Variants in ABR observed in about 807,000 individuals in gnomAD.
The protein encoded by ABR is ABR activator of RhoGEF and GTPase, also known as active breakpoint cluster region-related protein.
ABR carries 35 observed loss-of-function variants against 107.2 expected under a neutral mutation model. That is an observed-to-expected ratio of 0.33 (90% CI 0.25 to 0.43). The LOEUF is 0.43. ABR is among the 20% of genes least tolerant of loss of function. ABR has a pLI of 1.00. For synonymous variants in ABR, 498 were observed against 462.0 expected, an observed-to-expected ratio of 1.08 and a Z score of -1.00; for missense variants, 815 against 1,115.2, an observed-to-expected ratio of 0.73 and a Z score of 3.83.
chr17:1,132,551 G>A (rs1259888050), intron 1 of ABR, among the ~76,000 whole-genome samples: 2 of 151,886 alleles, frequency 1.3e-5, no homozygotes, highest in African/African-American at 4.8e-5. Context: ...GCTAATTGTT[G>A]TATTTTTAGT....
intron 1 of ABR, among the ~76,000 whole-genome samples, chr17:1,153,591 A>G (rs12947522): frequency 4.5e-4 from 21 of 47,064 alleles, no homozygotes; most frequent in East Asian, 2.5e-3. Context: ...AGGGCTGGGG[A>G]CCCAGGCACA....
At chr17:1,040,602 G>A (rs1272596721) in intron 16 of ABR, among the ~76,000 whole-genome samples, 5 of 152,214 alleles carry the variant, frequency 3.3e-5, no homozygotes, top group Admixed American at 2.6e-4. Flanking sequence ...ACCACTTATA[G>A]GTGACAGCCT....
At position 1,011,306 on chromosome 17, in the gene ABR, G is replaced by A. The variant is rs556068263; in HGVS notation, c.2102-443C>T. ...CCGGCCAGTTCCCAGGCCCCACCCCGTCCTCCACTCCAGGCTCCCCACGGA... is the reference window on the plus strand; with the variant it reads ...CCGGCCAGTTCCCAGGCCCCACCCCATCCTCCACTCCAGGCTCCCCACGGA... On this transcript the variant is annotated intron_variant, in intron 19 of 22. Transcript: ENST00000302538. This position sits in a 1 kb window ranked among gnomAD's most constrained non-coding sequence, Gnocchi z 4.8. The A allele has an allele frequency of 3.3e-5, 6 of 184,566 alleles. No homozygotes were observed. The highest frequency in any genetic ancestry group is 1.1e-4 in the South Asian group (1 of 9,348). The allele number at this position is 184,566 out of a possible 1,614,324, so 11.4% of individuals were successfully genotyped here.
chr17:1,222,745 C>T (rs536322346), intron 1 of ABR, among the ~76,000 whole-genome samples: 2 of 152,244 alleles, frequency 1.3e-5, no homozygotes, highest in South Asian at 4.1e-4. Flanking sequence ...GACCCCGTCT[C>T]TACAAAAAAT....
intron 1 of ABR, among the ~76,000 whole-genome samples, chr17:1,208,910 C>CT (rs1485356404): frequency 3.3e-5 from 5 of 150,174 alleles, no homozygotes; most frequent in African/African-American, 1.2e-4. Context: ...AAAAAGCCTG[C>CT]TTTGTGCCTG....
At chr17:1,079,829 A>C (rs1373570678) in intron 5 of ABR, among the ~76,000 whole-genome samples, 1 of 120,810 alleles carries the variant, frequency 8.3e-6, no homozygotes, top group African/African-American at 2.9e-5. Context: ...AAAAAAAAAG[A>C]AAGACAAAGG....
chr17:1,091,073 C>A (rs2151295022), intron 4 of ABR, among the ~76,000 whole-genome samples: 1 of 152,318 alleles, frequency 6.6e-6, no homozygotes, highest in Admixed American at 6.5e-5. Context: ...CAGTGGTGAG[C>A]AGGGCTGGGC....
intron 1 of ABR, among the ~76,000 whole-genome samples, chr17:1,173,363 C>T (rs1447991108): frequency 6.8e-6 from 1 of 148,116 alleles, no homozygotes; most frequent in Non-Finnish European, 1.5e-5. Context: ...CAACACATCA[C>T]CTCAGCCCAC....
Position 1,091,857 on chromosome 17 carries a change from GA to G in ABR, c.346-8del, listed in dbSNP as rs771423821. 6.2e-7 allele frequency: 1 copy of G among 1,610,672 alleles called. No individual in the cohort carries two copies. Among genetic ancestry groups the G allele is most frequent in the Non-Finnish European group, 8.5e-7 (1 of 1,178,142 alleles). ...CCTTCAGGGGTTTCATGGGCTGGGA[GA>G]AACAGAGGAAGAAAGAGCAGAGGTC... On this transcript the variant is annotated splice_polypyrimidine_tract_variant and splice_region_variant and intron_variant, in intron 3 of 22. Coordinates refer to ENST00000302538, the MANE Select transcript of ABR (RefSeq NM_021962.5).
At chr17:1,030,535 T>C (rs1025553166) in intron 16 of ABR, among the ~76,000 whole-genome samples, 1 of 152,226 alleles carries the variant, frequency 6.6e-6, no homozygotes, top group East Asian at 1.9e-4. Flanking sequence ...CAGGGGCCAG[T>C]GCAGTACAGC....
intron 2 of ABR, among the ~76,000 whole-genome samples, chr17:1,105,708 T>C (rs996098091): frequency 6.6e-5 from 10 of 152,108 alleles, no homozygotes; most frequent in Admixed American, 2.0e-4. Context: ...ACCCTGTCTC[T>C]ACAAAAATAT....
At chr17:1,063,010 G>A (rs562136106) in intron 10 of ABR, among the ~76,000 whole-genome samples, 9 of 136,726 alleles carry the variant, frequency 6.6e-5, no homozygotes, top group African/African-American at 2.4e-4. Flanking sequence ...CTGTTGTTAT[G>A]TGAACTGAGG....
chr17:1,191,918 C>T (rs75488394), upstream of ABR, among the ~76,000 whole-genome samples: 4,921 of 152,106 alleles, frequency 0.032, 120 homozygotes, highest in East Asian at 0.14. Flanking sequence ...AAAGAGCGCT[C>T]GACCGAGCAC....
At chr17:1,075,605 G>A (rs186620492) in intron 6 of ABR, among the ~76,000 whole-genome samples, 54 of 152,260 alleles carry the variant, frequency 3.5e-4, no homozygotes, top group East Asian at 9.6e-4. Flanking sequence ...CCCCAGCCCC[G>A]TCAACTCAAC....
intron 1 of ABR, among the ~76,000 whole-genome samples, chr17:1,139,713 CAGTCAGGTGGGA>C (rs1352453390): frequency 1.3e-5 from 2 of 152,166 alleles, no homozygotes; most frequent in African/African-American, 4.8e-5. Context: ...GATTTCACGG[CAGTCAGGTGGGA>C]AACCAGATGG....
At chr17:1,086,393 G>A (rs1261843834) in intron 4 of ABR, among the ~76,000 whole-genome samples, 2 of 152,124 alleles carry the variant, frequency 1.3e-5, no homozygotes, top group African/African-American at 4.8e-5. Context: ...TAGCATTGCT[G>A]ACAAGCTCCA....
At chr17:1,106,444 C>T (rs763824549) in intron 2 of ABR, among the ~76,000 whole-genome samples, 6 of 151,950 alleles carry the variant, frequency 3.9e-5, no homozygotes, top group Non-Finnish European at 8.8e-5. Flanking sequence ...CACATGCACG[C>T]ATCCAGGCCA....
intron 1 of ABR, among the ~76,000 whole-genome samples, chr17:1,155,198 A>G (rs1429332145): frequency 6.6e-6 from 1 of 152,148 alleles, no homozygotes; most frequent in Non-Finnish European, 1.5e-5. Flanking sequence ...GGCTGGGGGC[A>G]TCTTTCCAGA....
At chr17:1,206,181 G>A (rs1041802660) in intron 1 of ABR, among the ~76,000 whole-genome samples, 6 of 152,168 alleles carry the variant, frequency 3.9e-5, no homozygotes, top group Non-Finnish European at 8.8e-5. Context: ...GAGCCAGAGA[G>A]GTTGAGGCTG....
Sources: allele counts gnomAD v4.1 joint callset (sites outside exome capture counted in the v4.1 genomes callset), GRCh38; gene constraint gnomAD v4.1.1; non-coding constraint Gnocchi (gnomAD v3.1); transcripts MANE v1.5; gene names NCBI Gene and HGNC (gene_info 2026-07-23, HGNC 2026-07-21).